Variants in AFF3 observed in about 807,000 individuals in gnomAD.
The protein encoded by AFF3 is AF4/FMR2 family member 3.
In AFF3, 32 loss-of-function variants were observed where a neutral mutation model predicts 129.7. That is an observed-to-expected ratio of 0.25 (90% CI 0.19 to 0.33). The LOEUF (loss-of-function observed/expected upper bound fraction) is 0.33, where lower values mean the gene tolerates loss of function less well. Ranked by LOEUF, AFF3 falls within the 10% of genes least tolerant of loss-of-function variation. The pLI is 1.00. For synonymous variants in AFF3, 644 were observed against 635.4 expected (o/e 1.01, Z -0.20); for missense variants, 1,373 against 1,592.0 (o/e 0.86, Z 2.34).
At chr2:99,794,831 A>C (rs1323114077) in intron 8 of AFF3, among the ~76,000 whole-genome samples, 1 of 152,132 alleles carries the variant, frequency 6.6e-6, no homozygotes, top group Admixed American at 6.5e-5. Context: ...CCTTCATGGG[A>C]TCATGATTCT....
rs1677302532 is a variant in AFF3 at position 99,962,271 on chromosome 2, A to G, written c.873+44361T>C. Among the ~76,000 whole-genome samples the G allele has an allele frequency of 2.0e-5, 3 of 152,232 alleles. No homozygotes were observed. The East Asian group carries it at 5.8e-4, about 29-fold the overall frequency. On this transcript the variant is annotated intron_variant, in intron 7 of 24. Transcript: ENST00000672756. ...AGCACTACAAAGGCTCTGAATGTTA[A>G]GTCATCCCTACAACTACAGTCCACA...
At chr2:100,094,429 T>C (rs1237707556) in intron 4 of AFF3, among the ~76,000 whole-genome samples, 3 of 152,146 alleles carry the variant, frequency 2.0e-5, no homozygotes, top group East Asian at 1.9e-4. Flanking sequence ...CGGTTCACTA[T>C]AGGGTTCATG....
intron 20 of AFF3, among the ~76,000 whole-genome samples, chr2:99,563,735 G>A (rs553125275): frequency 5.1e-4 from 76 of 150,182 alleles, no homozygotes; most frequent in Non-Finnish European, 8.9e-4. Flanking sequence ...ACTTGAACTC[G>A]GGAGGCAGAG....
chr2:100,072,690 G>A (rs1377471785), intron 4 of AFF3, among the ~76,000 whole-genome samples: 1 of 152,172 alleles, frequency 6.6e-6, no homozygotes, highest in African/African-American at 2.4e-5. Flanking sequence ...CTGCACCCTT[G>A]TTCCTCATGT....
At chr2:99,553,008 C>G (rs990403357) in intron 24 of AFF3, among the ~76,000 whole-genome samples, 3 of 152,170 alleles carry the variant, frequency 2.0e-5, no homozygotes, top group African/African-American at 7.2e-5. Context: ...TCTTGGCTGT[C>G]TGCAACCACT....
intron 7 of AFF3, among the ~76,000 whole-genome samples, chr2:99,983,924 A>T (rs1679626629): frequency 6.6e-6 from 1 of 152,126 alleles, no homozygotes; most frequent in Non-Finnish European, 1.5e-5. Context: ...AAGCAACTTC[A>T]AAAAGGTTTT....
intron 15 of AFF3, among the ~76,000 whole-genome samples, chr2:99,591,415 G>A (rs1335764712): frequency 6.6e-6 from 1 of 152,116 alleles, no homozygotes; most frequent in Non-Finnish European, 1.5e-5. Context: ...TTGAACTCCT[G>A]AGCTCAGGCA....
At chr2:99,583,609 C>T (rs1157136142) in intron 16 of AFF3, among the ~76,000 whole-genome samples, 3 of 152,190 alleles carry the variant, frequency 2.0e-5, no homozygotes, top group Non-Finnish European at 2.9e-5. Flanking sequence ...GTCTCGAACT[C>T]CTGGATTCAA....
rs542069628 is a variant in AFF3, at chr2:100,090,429, T to C, written c.53+13973A>G. Among the ~76,000 whole-genome samples the C allele has an allele frequency of 2.6e-5, 4 of 152,296 alleles. No individual in the cohort carries two copies. The South Asian group carries it at 6.2e-4, about 24-fold the overall frequency. On this transcript the variant is annotated intron_variant, in intron 4 of 24. Coordinates refer to ENST00000672756, the MANE Select transcript of AFF3 (RefSeq NM_001386135.1). ...ATACAACTAATTGCAAGAAATTATA[T>C]AGGCAGTGTATTTTTAACATTTTAA...
At chr2:99,734,505 G>GT (rs759464303) in intron 10 of AFF3, among the ~76,000 whole-genome samples, 15 of 151,922 alleles carry the variant, frequency 9.9e-5, no homozygotes, top group Admixed American at 1.3e-4. Context: ...CTTGTTTTGA[G>GT]TTTTTTTGGC....
At chr2:100,049,343 A>G (rs754610761) in intron 4 of AFF3, among the ~76,000 whole-genome samples, 21 of 152,286 alleles carry the variant, frequency 1.4e-4, no homozygotes, top group Non-Finnish European at 2.9e-4. Flanking sequence ...ATTCCGCAAG[A>G]CCTAGCCTGG....
chr2:99,974,722 TAA>T, intron 7 of AFF3, among the ~76,000 whole-genome samples: 1 of 152,312 alleles, frequency 6.6e-6, no homozygotes, highest in Middle Eastern at 3.4e-3. Context: ...CAGTTGAGTA[TAA>T]AACAAATGCA....
At chr2:99,959,505 T>C (rs1030963065) in intron 7 of AFF3, among the ~76,000 whole-genome samples, 4 of 151,604 alleles carry the variant, frequency 2.6e-5, no homozygotes, top group Non-Finnish European at 2.9e-5. Flanking sequence ...TTCCAAGGCA[T>C]ATTTATACTT....
chr2:99,829,405 T>A (rs2105745500), intron 8 of AFF3, among the ~76,000 whole-genome samples: 1 of 152,040 alleles, frequency 6.6e-6, no homozygotes, highest in East Asian at 1.9e-4. Context: ...AGGTCTAACA[T>A]CCAGAATCTA....
At chr2:99,948,830 C>T (rs1675886265) in intron 7 of AFF3, among the ~76,000 whole-genome samples, 2 of 152,224 alleles carry the variant, frequency 1.3e-5, no homozygotes, top group Middle Eastern at 3.4e-3. Flanking sequence ...CATGAGCTCA[C>T]AACAAGATCC....
chr2:100,136,363 G>A (rs6747250), intron 1 of AFF3, among the ~76,000 whole-genome samples: 1 of 152,096 alleles, frequency 6.6e-6, no homozygotes, highest in Non-Finnish European at 1.5e-5. Context: ...AGAAGGCGCG[G>A]CCAGTGTGGT....
rs554822931 is a variant in AFF3, at chr2:99,737,368, T to C, written c.1039+6736A>G. 3.9e-4 allele frequency among the ~76,000 whole-genome samples: 60 copies of C among 152,326 alleles called. 1 individual carries two copies. Among genetic ancestry groups the C allele is most frequent in the African/African-American group, 1.4e-3 (57 of 41,546 alleles). ...ATTCCTTCTGAACAAAGTATGTCTTTTAAAATTTCTTTTGTGAGGATTTAC... is the reference window on the plus strand; with the variant it reads ...ATTCCTTCTGAACAAAGTATGTCTTCTAAAATTTCTTTTGTGAGGATTTAC... On this transcript the variant is annotated intron_variant, in intron 10 of 24. Coordinates refer to ENST00000672756, the MANE Select transcript of AFF3 (RefSeq NM_001386135.1).
At chr2:99,718,708 C>T (rs1378193789) in intron 11 of AFF3, among the ~76,000 whole-genome samples, 2 of 151,552 alleles carry the variant, frequency 1.3e-5, no homozygotes, top group Non-Finnish European at 2.9e-5. Flanking sequence ...GGAAGAAGTG[C>T]TTGGAAATTC....
At chr2:99,874,095 T>A (rs1692092891) in intron 7 of AFF3, among the ~76,000 whole-genome samples, 1 of 152,106 alleles carries the variant, frequency 6.6e-6, no homozygotes, top group South Asian at 2.1e-4. Flanking sequence ...GAGAATAGCG[T>A]GAACCCGGGA....
Sources: gnomAD v4.1 joint callset for allele counts (sites outside exome capture counted in the v4.1 genomes callset) on GRCh38, gnomAD v4.1.1 for gene constraint, MANE v1.5 for transcripts, NCBI Gene and HGNC (gene_info 2026-07-23, HGNC 2026-07-21) for gene names.